The following VSIR variants were observed in gnomAD, a reference collection of about 807,000 sequenced individuals.
VSIR encodes the protein V-type immunoglobulin domain-containing suppressor of T-cell activation.
VSIR carries 10 observed loss-of-function variants against 31.0 expected under a neutral mutation model. The observed-to-expected ratio is 0.32, with a 90% confidence interval of 0.20 to 0.55. The LOEUF is 0.55. Among genes scored for constraint, VSIR ranks in the 20% least tolerant of loss-of-function variants. The pLI is 0.93. For missense variants in VSIR, 356 were observed against 416.2 expected, an observed-to-expected ratio of 0.86 and a Z score of 1.26; for synonymous variants, 179 against 180.1, an observed-to-expected ratio of 0.99 and a Z score of 0.05.
At chr10:71,759,898 C>CATAT in intron 3 of VSIR, among the ~76,000 whole-genome samples, 1 of 50,658 alleles carries the variant, frequency 2.0e-5, no homozygotes, top group Non-Finnish European at 4.9e-5. Context: ...TACACACACA[C>CATAT]ATATATACAC....
At chr10:71,759,378 G>A (rs1011553051) in intron 3 of VSIR, among the ~76,000 whole-genome samples, 9 of 152,072 alleles carry the variant, frequency 5.9e-5, no homozygotes, top group Non-Finnish European at 1.0e-4. Context: ...ATGGTGATGC[G>A]TGCCTGTAGT....
At chr10:71,769,011 A>T (rs776267516) in intron 1 of VSIR, among the ~76,000 whole-genome samples, 34 of 152,290 alleles carry the variant, frequency 2.2e-4, no homozygotes, top group Admixed American at 5.2e-4. Context: ...GTAGCTGGGG[A>T]CTGACTGGAG....
chr10:71,766,431 A>G (rs1202901179), intron 1 of VSIR, among the ~76,000 whole-genome samples: 6 of 152,142 alleles, frequency 3.9e-5, no homozygotes, highest in Non-Finnish European at 7.4e-5. Flanking sequence ...GAACCTGGGA[A>G]AGCCTGAGTC....
chr10:71,760,934 C>A lies in VSIR; in HGVS notation c.512-10G>T, dbSNP rs774386938. ...GATGGTGCATCTTTGCCTGTGGGAA[C>A]AAACAGAAGGGCCATTAGGTGGGTG... On this transcript the variant is annotated splice_polypyrimidine_tract_variant and intron_variant, in intron 2 of 6. Coordinates refer to ENST00000394957, the MANE Select transcript of VSIR (RefSeq NM_022153.2). 11 of 1,613,730 alleles carry A rather than the reference C, an allele frequency of 6.8e-6. 1 individual carries two copies. In the South Asian group the frequency reaches 1.2e-4, roughly 18 times the overall value.
chr10:71,760,517 C>T, intron 3 of VSIR: 1 of 206,124 alleles, frequency 4.9e-6, no homozygotes, highest in Non-Finnish European at 9.8e-6. Flanking sequence ...GCCAAGAGGA[C>T]CCCCAGCCTT....
rs1840261856 is a variant in VSIR at position 71,759,852 on chromosome 10, C to CACACACACACACATATAT, written c.568+998_568+1015dup. Among the ~76,000 whole-genome samples, 4 of 76,908 alleles carry CACACACACACACATATAT rather than the reference C, an allele frequency of 5.2e-5. 1 individual carries two copies. Among genetic ancestry groups the CACACACACACACATATAT allele is most frequent in the Non-Finnish European group, 7.7e-5 (3 of 38,766 alleles). The allele number at this position is 76,908 out of a possible 152,430, so 50.5% of individuals were successfully genotyped here. ...ACACACACACACACACACACATATA[C>CACACACACACACATATAT]ACACACACACACATATATATACACA... On this transcript the variant is annotated intron_variant, in intron 3 of 6. Transcript: ENST00000394957.
intron 1 of VSIR, among the ~76,000 whole-genome samples, chr10:71,770,279 C>T (rs142144371): frequency 6.6e-6 from 1 of 152,352 alleles, no homozygotes; most frequent in Non-Finnish European, 1.5e-5. Flanking sequence ...CAGTTGCCCT[C>T]CAAGGGAGGT....
In VSIR at chr10:71,751,615, A is replaced by G; in HGVS notation, c.898+53T>C. ...GAGTGAGGCCGATGCCCTGCAGGCCATGAGGTCATGACCTTACAGGTCATC... is the reference window on the plus strand; with the variant it reads ...GAGTGAGGCCGATGCCCTGCAGGCCGTGAGGTCATGACCTTACAGGTCATC... On this transcript the variant is annotated intron_variant, in intron 6 of 6. Transcript: ENST00000394957. The surrounding 1 kb of genome is among the most constrained non-coding windows in gnomAD (Gnocchi z 4.9). 4.7e-6 allele frequency: 7 copies of G among 1,494,342 alleles called. No homozygotes were observed. Among genetic ancestry groups the G allele is most frequent in the Non-Finnish European group, 6.3e-6 (7 of 1,118,110 alleles). The allele number at this position is 1,494,342 out of a possible 1,614,324, so 92.6% of individuals were successfully genotyped here. A position where few individuals can be genotyped will look rare whatever the true frequency, so the allele number is the denominator to read the frequency against.
Position 71,748,460 on chromosome 10 carries a change from A to G in VSIR, c.*2793T>C. 1 of 151,336 alleles carries G rather than the reference A, an allele frequency of 6.6e-6. No homozygotes were observed. 9.4% of individuals were successfully genotyped at this position (151,336 alleles called of 1,614,324 possible). ...GAGCAGTCCCCGCTGTGTCAGCAAA[A>G]CCCTCCAAATGGTGCTTTCAATTCC... On this transcript the variant is annotated 3_prime_UTR_variant, in exon 7 of 7. Coordinates refer to ENST00000394957, the MANE Select transcript of VSIR (RefSeq NM_022153.2).
In VSIR at chr10:71,751,626, A is replaced by T; in HGVS notation, c.898+42T>A. 5 of 1,498,276 alleles carry T rather than the reference A, an allele frequency of 3.3e-6. No homozygotes were observed. The highest frequency in any genetic ancestry group is 4.5e-6 in the Non-Finnish European group (5 of 1,120,640). 92.8% of individuals were successfully genotyped at this position (1,498,276 alleles called of 1,614,324 possible). On this transcript the variant is annotated intron_variant, in intron 6 of 6. Coordinates refer to ENST00000394957, the MANE Select transcript of VSIR (RefSeq NM_022153.2). This position sits in a 1 kb window ranked among gnomAD's most constrained non-coding sequence, Gnocchi z 4.9. Reference sequence around the variant, plus strand: ...ATGCCCTGCAGGCCATGAGGTCATGACCTTACAGGTCATCGTGCTGTGAAG... The same window carrying T: ...ATGCCCTGCAGGCCATGAGGTCATGTCCTTACAGGTCATCGTGCTGTGAAG...
At chr10:71,761,070 T>C (rs1265458752) in intron 2 of VSIR, 146 bp from the exon 3 acceptor site, 1 of 762,278 alleles carries the variant, frequency 1.3e-6, no homozygotes, top group Admixed American at 2.1e-5. Context: ...CCTGCACACG[T>C]GTGCACCCAC....
intron 3 of VSIR, among the ~76,000 whole-genome samples, chr10:71,756,100 G>C (rs1231368718): frequency 6.6e-6 from 1 of 152,118 alleles, no homozygotes; most frequent in African/African-American, 2.4e-5. Flanking sequence ...GTGAGAACTA[G>C]AAAAACGTGA....
In VSIR at chr10:71,761,757, C is replaced by G; in HGVS notation, c.352G>C (p.Gly118Arg). The G allele has an allele frequency of 1.9e-6, 3 of 1,614,146 alleles. No individual in the cohort carries two copies. Among genetic ancestry groups the G allele is most frequent in the Non-Finnish European group, 2.5e-6 (3 of 1,180,024 alleles). Reference protein sequence around the residue: ...NTSHDLAQRHGLESASDHHGN... With the variant: ...NTSHDLAQRHRLESASDHHGN... ...TGGTGGTCGGAGGCCGACTCCAGCC[C>G]GTGGCGCTGAGCCAGGTCGTGGCTG... Residue 118 changes from glycine to arginine, a missense_variant, in exon 2 of 7, where the codon GGG becomes CGG. Physicochemically the swap from Gly to Arg is moderately radical, Grantham distance 125. Around this residue, in one of 2 missense-constraint regions of VSIR, gnomAD observed 166 missense variants for 231.0 expected, o/e 0.72. Transcript: ENST00000394957.
Position 71,749,940 on chromosome 10 carries a change from T to C in VSIR, c.*1313A>G, listed in dbSNP as rs1839952578. The C allele has an allele frequency of 1.3e-5, 2 of 152,048 alleles. No homozygotes were observed. Among genetic ancestry groups the C allele is most frequent in the Admixed American group, 1.3e-4 (2 of 15,282 alleles). 9.4% of individuals were successfully genotyped at this position (152,048 alleles called of 1,614,324 possible). A position where few individuals can be genotyped will look rare whatever the true frequency, so the allele number is the denominator to read the frequency against. On this transcript the variant is annotated 3_prime_UTR_variant, in exon 7 of 7. Transcript: ENST00000394957. Reference sequence around the variant, plus strand: ...GACAAATGCCCAGGCTGGACTATGCTCTCCACAGTACCTGGGGCCCCCATC... The same window carrying C: ...GACAAATGCCCAGGCTGGACTATGCCCTCCACAGTACCTGGGGCCCCCATC...
Position 71,748,075 on chromosome 10 carries a change from G to A in VSIR, c.*3178C>T, listed in dbSNP as rs748244649. 9.9e-5 allele frequency: 15 copies of A among 152,144 alleles called. No homozygotes were observed. The highest frequency in any genetic ancestry group is 2.4e-4 in the African/African-American group (10 of 41,408). The allele number at this position is 152,144 out of a possible 1,614,324, so 9.4% of individuals were successfully genotyped here. A position where few individuals can be genotyped will look rare whatever the true frequency, so the allele number is the denominator to read the frequency against. ...GTGCATTGTGGTTCCCTGAGAAAAC[G>A]TTAACCCAGCCCCCAGCACAGTCAG... On this transcript the variant is annotated 3_prime_UTR_variant, in exon 7 of 7. Transcript: ENST00000394957.
At position 71,748,499 on chromosome 10, in the gene VSIR, C is replaced by T. The variant is rs74720353; in HGVS notation, c.*2754G>A. 0.029 allele frequency: 4,466 copies of T among 152,390 alleles called. 126 individuals carry two copies. The highest frequency in any genetic ancestry group is 0.064 in the African/African-American group (2,640 of 41,570). The allele number at this position is 152,390 out of a possible 1,614,324, so 9.4% of individuals were successfully genotyped here. A position where few individuals can be genotyped will look rare whatever the true frequency, so the allele number is the denominator to read the frequency against. On this transcript the variant is annotated 3_prime_UTR_variant, in exon 7 of 7. Transcript: ENST00000394957. The stretch of plus-strand genomic sequence containing the variant: ...GCTTTCAATTCCATTCCTTCAGCCT[C>T]TCCCTGGGAGGGAATAAAGGCAGGA...
intron 3 of VSIR, 32 bp from the exon 4 acceptor site, chr10:71,755,498 C>T: frequency 6.3e-7 from 1 of 1,575,058 alleles, no homozygotes; most frequent in Non-Finnish European, 8.7e-7. Flanking sequence ...CAAGGTGAAG[C>T]CCCATTCCCA....
At chr10:71,759,552 G>A (rs1840241048) in intron 3 of VSIR, among the ~76,000 whole-genome samples, 2 of 151,310 alleles carry the variant, frequency 1.3e-5, no homozygotes, top group African/African-American at 2.4e-5. Context: ...ACTCACACCT[G>A]TAATCCCAGC....
In VSIR at chr10:71,761,632, C is replaced by T; in HGVS notation, c.477G>A (p.Arg159=). 3 of 1,609,084 alleles carry T rather than the reference C, an allele frequency of 1.9e-6. No individual in the cohort carries two copies. Among genetic ancestry groups the T allele is most frequent in the Non-Finnish European group, 2.5e-6 (3 of 1,177,516 alleles). Residue 159 remains arginine (R), a synonymous_variant, in exon 2 of 7, where the codon AGG becomes AGA. Transcript: ENST00000394957. ...VEIRHHHSEH[R]VHGAMELQVQ... The stretch of plus-strand genomic sequence containing the variant: ...CCTGCAGCTCCATGGCACCATGGAC[C>T]CTGTGCTCCGAGTGGTGGTGCCTGA...
Sources: gnomAD v4.1 joint callset for allele counts (sites outside exome capture counted in the v4.1 genomes callset) on GRCh38, gnomAD v4.1.1 for gene constraint, gnomAD v4.1.1 regional missense constraint, Gnocchi (gnomAD v3.1) non-coding constraint, MANE v1.5 for transcripts, NCBI Gene and HGNC (gene_info 2026-07-23, HGNC 2026-07-21) for gene names.